ZFHX4: variants seen among roughly 807,000 people sequenced by gnomAD.
ZFHX4 encodes the protein zinc finger homeobox 4.
ZFHX4 carries 56 observed loss-of-function variants against 267.6 expected under a neutral mutation model. The ratio of observed to expected loss-of-function variants is 0.21; its 90% CI spans 0.17 to 0.26. The LOEUF is 0.26. ZFHX4 is among the 10% of genes least tolerant of loss of function. The probability of loss-of-function intolerance (pLI) is 1.00; values close to 1 mark genes in which losing one functional copy is unlikely to be tolerated. For missense variants in ZFHX4, 4,332 were observed against 4,420.0 expected (o/e 0.98, Z 0.56); for synonymous variants, 1,778 against 1,665.6 (o/e 1.07, Z -1.64).
chr8:76,823,397 T>G (rs1811705351), intron 4 of ZFHX4, among the ~76,000 whole-genome samples: 1 of 152,212 alleles, frequency 6.6e-6, no homozygotes. Flanking sequence ...TAATGAATGA[T>G]TTATTAAATA....
intron 5 of ZFHX4, among the ~76,000 whole-genome samples, chr8:76,839,267 C>A (rs1422704277): frequency 1.3e-5 from 2 of 152,124 alleles, no homozygotes; most frequent in African/African-American, 2.4e-5. Context: ...TTCAAAAACA[C>A]TTATTTTAAA....
At chr8:76,747,394 A>G (rs955989518) in intron 3 of ZFHX4, among the ~76,000 whole-genome samples, 1 of 152,106 alleles carries the variant, frequency 6.6e-6, no homozygotes, top group Non-Finnish European at 1.5e-5. Context: ...CATGGTAACC[A>G]ATAAGTAGAT....
At chr8:76,772,902 A>G (rs1233965580) in intron 3 of ZFHX4, among the ~76,000 whole-genome samples, 1 of 152,018 alleles carries the variant, frequency 6.6e-6, no homozygotes, top group Non-Finnish European at 1.5e-5. Flanking sequence ...TGCCAAACCA[A>G]GTTCTAGTTT....
intron 4 of ZFHX4, among the ~76,000 whole-genome samples, chr8:76,806,583 G>A (rs2054682): frequency 0.13 from 20,238 of 151,984 alleles, 2,221 homozygotes; most frequent in African/African-American, 0.29. Context: ...AGGTAGTTCT[G>A]TACTTTCTTT....
At chr8:76,732,515 T>C (rs1809048908) in intron 3 of ZFHX4, among the ~76,000 whole-genome samples, 1 of 152,044 alleles carries the variant, frequency 6.6e-6, no homozygotes, top group East Asian at 1.9e-4. Context: ...CACTTAAAAT[T>C]AAACATTCCC....
rs71277761 is a variant in ZFHX4, at chr8:76,794,873, T to TTGTGTGTG, written c.3325+16465_3325+16472dup. ...GATGGAGAAGGCGGCTGGCCTGTCA[T>TTGTGTGTG]TGTGTGTGTGTGTGTGTGTGTGTGT... is the stretch of plus-strand genomic sequence containing the variant. On this transcript the variant is annotated intron_variant, in intron 4 of 10. Transcript: ENST00000651372. 2.3e-3 allele frequency among the ~76,000 whole-genome samples: 325 copies of TTGTGTGTG among 143,162 alleles called. 1 individual carries two copies. The highest frequency in any genetic ancestry group is 2.7e-3 in the East Asian group (13 of 4,874). The allele number at this position is 143,162 out of a possible 152,430, so 93.9% of individuals were successfully genotyped here.
At chr8:76,790,157 C>T (rs1052173356) in intron 4 of ZFHX4, among the ~76,000 whole-genome samples, 2 of 152,092 alleles carry the variant, frequency 1.3e-5, no homozygotes, top group African/African-American at 2.4e-5. Context: ...TGAGAAAGTA[C>T]ACTTTCCTAT....
At chr8:76,841,496 C>A (rs7827047) in intron 5 of ZFHX4, among the ~76,000 whole-genome samples, 1 of 151,978 alleles carries the variant, frequency 6.6e-6, no homozygotes, top group Non-Finnish European at 1.5e-5. Flanking sequence ...TCCATAGCAG[C>A]GTTTTGTATG....
rs748989338 is a variant in ZFHX4, at chr8:76,864,342, C to T, written c.10628C>T (p.Ser3543Phe). ...ASARRAASPP[S>F]SPPSLSLPST... ...GCCAGGAGAGCTGCTTCTCCCCCTT[C>T]TTCTCCTCCTTCCCTTTCCTTGCCT... Residue 3543 changes from serine to phenylalanine, a missense_variant, in exon 11 of 11, where the codon TCT becomes TTT. Around this residue, in one of 7 missense-constraint regions of ZFHX4, gnomAD observed 1,648 missense variants for 1,625.0 expected, o/e 1.01. Coordinates refer to ENST00000651372, the MANE Select transcript of ZFHX4 (RefSeq NM_024721.5). The T allele has an allele frequency of 6.2e-7, 1 of 1,613,842 alleles. No individual in the cohort carries two copies. The highest frequency in any genetic ancestry group is 8.5e-7 in the Non-Finnish European group (1 of 1,179,864).
At chr8:76,724,213 G>T (rs1808796674) in intron 3 of ZFHX4, among the ~76,000 whole-genome samples, 1 of 151,962 alleles carries the variant, frequency 6.6e-6, no homozygotes, top group Non-Finnish European at 1.5e-5. Flanking sequence ...GGGACCACTG[G>T]ACTAGAAAAC....
At chr8:76,781,516 A>G (rs1442662886) in intron 4 of ZFHX4, among the ~76,000 whole-genome samples, 1 of 152,068 alleles carries the variant, frequency 6.6e-6, no homozygotes, top group African/African-American at 2.4e-5. Context: ...AAAACAATAC[A>G]AGCCTGGTTC....
chr8:76,806,103 A>G (rs1811238017), intron 4 of ZFHX4, among the ~76,000 whole-genome samples: 1 of 152,134 alleles, frequency 6.6e-6, no homozygotes, highest in African/African-American at 2.4e-5. Context: ...CCTTTTAGGC[A>G]TGTGTTGCCT....
At chr8:76,727,423 C>A (rs901475112) in intron 3 of ZFHX4, among the ~76,000 whole-genome samples, 1 of 152,032 alleles carries the variant, frequency 6.6e-6, no homozygotes, top group Non-Finnish European at 1.5e-5. Flanking sequence ...TTGCTGAGAA[C>A]CTTTATCCAG....
chr8:76,762,914 A>G (rs1809954573), intron 3 of ZFHX4, among the ~76,000 whole-genome samples: 1 of 152,234 alleles, frequency 6.6e-6, no homozygotes, highest in Non-Finnish European at 1.5e-5. Context: ...ATACTTGAGA[A>G]GCAAAGAGAT....
At position 76,704,955 on chromosome 8, in the gene ZFHX4, T is replaced by C. The variant is rs1174340656; in HGVS notation, c.867T>C (p.Tyr289=). Residue 289 remains tyrosine, a synonymous_variant, in exon 2 of 11, where the codon TAT becomes TAC. Transcript: ENST00000651372. ...TCTTGTGCAAGTTGTCTTTTGGTTATATCAGGTCATTTGTAACCCATGCTG... is the reference window on the plus strand; with the variant it reads ...TCTTGTGCAAGTTGTCTTTTGGTTACATCAGGTCATTTGTAACCCATGCTG... The part of the protein sequence containing the change: ...MCFLCKLSFG[Y]IRSFVTHAVH... 1.2e-6 allele frequency: 2 copies of C among 1,614,056 alleles called. No homozygotes were observed. The highest frequency in any genetic ancestry group is 1.1e-5 in the South Asian group (1 of 91,084).
At chr8:76,700,477 G>A (rs1488821776) in intron 1 of ZFHX4, among the ~76,000 whole-genome samples, 5 of 152,134 alleles carry the variant, frequency 3.3e-5, no homozygotes, top group African/African-American at 1.2e-4. Flanking sequence ...TGGGAACTCT[G>A]CTTTCTGAAT....
At chr8:76,833,808 C>T (rs1221051708) in intron 5 of ZFHX4, among the ~76,000 whole-genome samples, 2 of 152,084 alleles carry the variant, frequency 1.3e-5, no homozygotes, top group African/African-American at 4.8e-5. Flanking sequence ...TGGACAAAAG[C>T]ATAGTGACAT....
At chr8:76,850,635 C>A (rs1391708681) in intron 9 of ZFHX4, among the ~76,000 whole-genome samples, 6 of 152,186 alleles carry the variant, frequency 3.9e-5, no homozygotes, top group East Asian at 3.8e-4. Flanking sequence ...CTAATTGCAG[C>A]AAGCTCTAAT....
intron 3 of ZFHX4, among the ~76,000 whole-genome samples, chr8:76,731,074 G>T (rs558225929): frequency 4.6e-5 from 7 of 152,240 alleles, no homozygotes; most frequent in Non-Finnish European, 1.0e-4. Context: ...TTACTGATAA[G>T]CTTCTCCAAA....
Sources: allele counts gnomAD v4.1 joint callset (sites outside exome capture counted in the v4.1 genomes callset), GRCh38; gene constraint gnomAD v4.1.1; regional missense constraint gnomAD v4.1.1; transcripts MANE v1.5; gene names NCBI Gene and HGNC (gene_info 2026-07-23, HGNC 2026-07-21).